OPRM1: variants seen among roughly 807,000 people sequenced by gnomAD.
OPRM1 encodes mu-type opioid receptor.
Under a neutral mutation model 31.8 loss-of-function variants are expected in OPRM1, and 27 were observed. The observed-to-expected ratio is 0.85, with a 90% CI of 0.63 to 1.17. The LOEUF (loss-of-function observed/expected upper bound fraction) is 1.17, where lower values mean the gene tolerates loss of function less well. OPRM1 is among the 50% of genes most tolerant of loss of function. OPRM1 has a pLI of 0.00. For synonymous variants in OPRM1, 196 were observed against 189.9 expected (o/e 1.03, Z -0.26); for missense variants, 536 against 511.1 (o/e 1.05, Z -0.47).
intron 1 of OPRM1, among the ~76,000 whole-genome samples, chr6:154,066,715 C>T (rs1346120971): frequency 6.6e-6 from 1 of 151,986 alleles, no homozygotes; most frequent in Non-Finnish European, 1.5e-5. Context: ...GAGGAAAGAT[C>T]ACAGGAGGAC....
chr6:154,018,030 C>T (rs1243856029), intron 1 of OPRM1, among the ~76,000 whole-genome samples: 1 of 152,142 alleles, frequency 6.6e-6, no homozygotes, highest in Non-Finnish European at 1.5e-5. Context: ...CCAGGGAAAC[C>T]ACAGACAAAA....
At chr6:154,113,575 CTCAGTG>C (rs1742442706) in intron 3 of OPRM1, among the ~76,000 whole-genome samples, 1 of 152,168 alleles carries the variant, frequency 6.6e-6, no homozygotes, top group Non-Finnish European at 1.5e-5. Flanking sequence ...CTCAAGGGCA[CTCAGTG>C]TCAGGAGAAG....
intron 1 of OPRM1, among the ~76,000 whole-genome samples, chr6:154,071,791 A>T (rs985620043): frequency 6.6e-6 from 1 of 152,190 alleles, no homozygotes; most frequent in African/African-American, 2.4e-5. Flanking sequence ...TGACAATAAG[A>T]AGCAGTGGTT....
rs546159635 is a variant in OPRM1, at chr6:154,185,218, A to G, written c.1165-61475A>G. 8.5e-5 allele frequency among the ~76,000 whole-genome samples: 13 copies of G among 152,328 alleles called. No individual in the cohort carries two copies. In the East Asian group the frequency reaches 2.1e-3, roughly 25 times the overall value. ...AGAGCCTAGCAAGGGGTCTCATGCC[A>G]ATGGGTCCTGCCAAGGAGGAGGGTC... On this transcript the variant is annotated intron_variant, in intron 3 of 3. Coordinates refer to the OPRM1 transcript ENST00000337049.
intron 3 of OPRM1, among the ~76,000 whole-genome samples, chr6:154,116,836 C>CT (rs1796935056): frequency 6.6e-6 from 1 of 152,208 alleles, no homozygotes; most frequent in Non-Finnish European, 1.5e-5. Context: ...AACAGCCCCT[C>CT]TGTCTGCTGA....
At chr6:154,143,781 G>C (rs1798283198) in intron 3 of OPRM1, among the ~76,000 whole-genome samples, 1 of 152,068 alleles carries the variant, frequency 6.6e-6, no homozygotes, top group Admixed American at 6.6e-5. Context: ...GAAAAATGGA[G>C]TAGATATATT....
rs1799635254 is a variant in OPRM1 at position 154,168,743 on chromosome 6, T to C, written c.1164+77271T>C. The stretch of plus-strand genomic sequence containing the variant: ...GTCTCAGCCTCCCAAGTAGCTGGGA[T>C]TACAGGCACCTGCCACCATGCCCGG... On this transcript the variant is annotated intron_variant, in intron 3 of 3. Coordinates refer to the OPRM1 transcript ENST00000337049. This position sits in a 1 kb window ranked among gnomAD's most constrained non-coding sequence, Gnocchi z 4.1. Among the ~76,000 whole-genome samples, 1 of 151,996 alleles carries C rather than the reference T, an allele frequency of 6.6e-6. No individual in the cohort carries two copies. The highest frequency in any genetic ancestry group is 6.6e-5 in the Admixed American group (1 of 15,264).
chr6:154,150,554 C>A (rs953389421), intron 3 of OPRM1, among the ~76,000 whole-genome samples: 1 of 152,210 alleles, frequency 6.6e-6, no homozygotes, highest in Non-Finnish European at 1.5e-5. Flanking sequence ...CTCATGGGAA[C>A]CCTCTGGGTA....
intron 1 of OPRM1, among the ~76,000 whole-genome samples, chr6:154,066,518 TC>T (rs1453858727): frequency 6.7e-6 from 1 of 148,660 alleles, no homozygotes; most frequent in African/African-American, 2.5e-5. Flanking sequence ...CACCCTCCCA[TC>T]CCCCCCAAAA....
At chr6:154,052,730 G>C (rs1412649508) in intron 1 of OPRM1, among the ~76,000 whole-genome samples, 1 of 152,088 alleles carries the variant, frequency 6.6e-6, no homozygotes, top group East Asian at 1.9e-4. Flanking sequence ...ATCTTCTTTA[G>C]AAAATTTGAT....
At position 154,127,760 on chromosome 6, in the gene OPRM1, G is replaced by C. The variant is rs1797676114; in HGVS notation, c.*9039G>C. Among the ~76,000 whole-genome samples the C allele has an allele frequency of 6.6e-6, 1 of 152,232 alleles. No individual in the cohort carries two copies. Among genetic ancestry groups the C allele is most frequent in the South Asian group, 2.1e-4 (1 of 4,838 alleles). ...TTGTTCTCCTGCATCTCTGCAGGTG[G>C]CAAACCTGATTCCTAATGCCTGTTC... On this transcript the variant is annotated 3_prime_UTR_variant, in exon 4 of 4. Coordinates refer to ENST00000330432, the MANE Select transcript of OPRM1 (RefSeq NM_000914.5).
intron 3 of OPRM1, among the ~76,000 whole-genome samples, chr6:154,245,703 C>T (rs1780976802): frequency 6.6e-6 from 1 of 152,100 alleles, no homozygotes; most frequent in South Asian, 2.1e-4. Flanking sequence ...ACTAAAGGCC[C>T]TCCAGTGCTG....
chr6:154,101,204 T>G (rs1794782515), intron 3 of OPRM1, among the ~76,000 whole-genome samples: 1 of 152,158 alleles, frequency 6.6e-6, no homozygotes, highest in Non-Finnish European at 1.5e-5. Context: ...AATACAATCA[T>G]CTATTTAACT....
intron 3 of OPRM1, among the ~76,000 whole-genome samples, chr6:154,150,437 C>T (rs2128541234): frequency 6.6e-6 from 1 of 152,308 alleles, no homozygotes; most frequent in East Asian, 1.9e-4. Context: ...ACTAGCCCTT[C>T]CCCCATTGGC....
chr6:154,148,096 C>G (rs754547506), intron 3 of OPRM1, among the ~76,000 whole-genome samples: 3 of 152,210 alleles, frequency 2.0e-5, no homozygotes, highest in Non-Finnish European at 4.4e-5. Flanking sequence ...AATGGAAAAG[C>G]ATGTGAAAGA....
intron 1 of OPRM1, chr6:154,083,735 G>C (rs1414180639): frequency 6.6e-6 from 1 of 152,466 alleles, no homozygotes; most frequent in East Asian, 1.9e-4. Context: ...GAGGTCAGGA[G>C]ATCGAGACCA....
At chr6:154,111,311 T>C (rs1796342045) in intron 3 of OPRM1, among the ~76,000 whole-genome samples, 1 of 152,186 alleles carries the variant, frequency 6.6e-6, no homozygotes, top group African/African-American at 2.4e-5. Flanking sequence ...ATTTCTGTAA[T>C]AAATGAGATT....
At chr6:154,084,917 A>AACACAC (rs71669485) in intron 1 of OPRM1, among the ~76,000 whole-genome samples, 2,269 of 146,478 alleles carry the variant, frequency 0.015, 65 homozygotes, top group African/African-American at 0.052. Flanking sequence ...TGTGGAATTA[A>AACACAC]ACACACACAC....
chr6:154,089,447 G>C (rs991636276), intron 1 of OPRM1, among the ~76,000 whole-genome samples: 2 of 151,980 alleles, frequency 1.3e-5, no homozygotes, highest in East Asian at 3.9e-4. Context: ...AATTAACAGG[G>C]TATGGTGGCA....
Sources: gnomAD v4.1 joint callset for allele counts (sites outside exome capture counted in the v4.1 genomes callset) on GRCh38, gnomAD v4.1.1 for gene constraint, Gnocchi (gnomAD v3.1) non-coding constraint, MANE v1.5 for transcripts, NCBI Gene and HGNC (gene_info 2026-07-23, HGNC 2026-07-21) for gene names.